The following PARP8 variants were observed in gnomAD, a reference collection of about 807,000 sequenced individuals.
The protein encoded by PARP8 is poly(ADP-ribose) polymerase family member 8, also known as protein mono-ADP-ribosyltransferase PARP8.
Under a neutral mutation model 124.1 loss-of-function variants are expected in PARP8, and 51 were observed. The observed-to-expected ratio is 0.41, with a 90% CI of 0.33 to 0.52. The LOEUF is 0.52. Ranked by LOEUF, PARP8 falls within the 20% of genes least tolerant of loss-of-function variation. The probability of loss-of-function intolerance (pLI) is 0.21; values close to 1 mark genes in which losing one functional copy is unlikely to be tolerated. For missense variants in PARP8, 860 were observed against 1,018.9 expected (o/e 0.84, Z 2.12); for synonymous variants, 391 against 361.5 (o/e 1.08, Z -0.93).
intron 3 of PARP8, among the ~76,000 whole-genome samples, chr5:50,759,404 C>G (rs1185695810): frequency 6.6e-6 from 1 of 152,140 alleles, no homozygotes; most frequent in Non-Finnish European, 1.5e-5. Context: ...TGGATAGTCT[C>G]TATTCAAAAT....
At chr5:50,666,491 C>G (rs574888064), upstream of PARP8, 3 of 151,540 alleles carry the variant, frequency 2.0e-5, no homozygotes, top group Admixed American at 6.6e-5. Flanking sequence ...GGCTCCCGCC[C>G]GGGATGGCTA....
chr5:50,741,019 C>T (rs953124918), intron 2 of PARP8, among the ~76,000 whole-genome samples: 2 of 152,070 alleles, frequency 1.3e-5, no homozygotes, highest in Non-Finnish European at 2.9e-5. Context: ...TTTAGTTTTT[C>T]CGTCTTGGTA....
At chr5:50,763,915 C>G (rs1291103791) in intron 7 of PARP8, among the ~76,000 whole-genome samples, 1 of 152,180 alleles carries the variant, frequency 6.6e-6, no homozygotes, top group Non-Finnish European at 1.5e-5. Context: ...TTCCAGACCC[C>G]TTTCGTAGCC....
Position 50,820,797 on chromosome 5 carries a change from C to A in PARP8, c.1669-416C>A, listed in dbSNP as rs150662737. 1.8e-3 allele frequency among the ~76,000 whole-genome samples: 280 copies of A among 152,262 alleles called. 1 individual carries two copies. Among genetic ancestry groups the A allele is most frequent in the African/African-American group, 6.4e-3 (267 of 41,546 alleles). The stretch of plus-strand genomic sequence containing the variant: ...CCCTTTCTGCATTATTCTCTAGTGC[C>A]TACTTTATTTTTTTATAACATTTAA... On this transcript the variant is annotated intron_variant, in intron 15 of 25. Transcript: ENST00000281631.
At chr5:50,714,084 CTTTTTTT>C (rs34294100) in intron 2 of PARP8, among the ~76,000 whole-genome samples, 3 of 137,802 alleles carry the variant, frequency 2.2e-5, no homozygotes, top group Non-Finnish European at 4.8e-5. Flanking sequence ...TTCTTTCTTT[CTTTTTTT>C]TTTTTTTTCC....
chr5:50,763,565 T>C (rs1053137378), intron 7 of PARP8, among the ~76,000 whole-genome samples: 1 of 152,060 alleles, frequency 6.6e-6, no homozygotes, highest in African/African-American at 2.4e-5. Flanking sequence ...CATGGCCACA[T>C]GCTTGTGAAG....
At chr5:50,713,496 C>A (rs1438229021) in intron 2 of PARP8, among the ~76,000 whole-genome samples, 2 of 151,638 alleles carry the variant, frequency 1.3e-5, no homozygotes, top group African/African-American at 4.9e-5. Flanking sequence ...TCCCCTGTGC[C>A]TCCCATAGTG....
At chr5:50,773,810 T>C (rs1761871566) in intron 7 of PARP8, among the ~76,000 whole-genome samples, 1 of 151,792 alleles carries the variant, frequency 6.6e-6, no homozygotes, top group Admixed American at 6.6e-5. Flanking sequence ...ATTTTTTGTG[T>C]CCTGATGAAC....
chr5:50,774,210 C>A (rs538993108), intron 7 of PARP8, among the ~76,000 whole-genome samples: 33 of 152,318 alleles, frequency 2.2e-4, no homozygotes, highest in African/African-American at 7.9e-4. Context: ...TAGTACAGAA[C>A]AAAATGGAGT....
intron 14 of PARP8, among the ~76,000 whole-genome samples, chr5:50,803,074 G>A (rs542806817): frequency 6.6e-6 from 1 of 152,222 alleles, no homozygotes; most frequent in African/African-American, 2.4e-5. Context: ...AGTTATGCTG[G>A]GTATAGAATT....
intron 21 of PARP8, 81 bp downstream of exon 21, chr5:50,828,465 A>C (rs1746587248): frequency 2.3e-6 from 3 of 1,298,140 alleles, no homozygotes; most frequent in Admixed American, 1.9e-5. Flanking sequence ...GTTAGGTTTA[A>C]CTTGCAAAAG....
At chr5:50,749,823 A>G (rs1759031278) in intron 2 of PARP8, among the ~76,000 whole-genome samples, 1 of 152,154 alleles carries the variant, frequency 6.6e-6, no homozygotes, top group Admixed American at 6.5e-5. Flanking sequence ...AAATCTGAGC[A>G]AAGAAAACAA....
chr5:50,792,804 A>C (rs1742110775), intron 10 of PARP8, among the ~76,000 whole-genome samples: 1 of 152,090 alleles, frequency 6.6e-6, no homozygotes, highest in Non-Finnish European at 1.5e-5. Context: ...TTCCACTGCT[A>C]AAAGGGCCCC....
chr5:50,672,092 C>T (rs1750094370), intron 2 of PARP8, among the ~76,000 whole-genome samples: 1 of 152,218 alleles, frequency 6.6e-6, no homozygotes. Context: ...CACCCACAAC[C>T]TGCTTTCCAT....
chr5:50,679,478 T>C (rs1247633285), intron 2 of PARP8, among the ~76,000 whole-genome samples: 3 of 152,216 alleles, frequency 2.0e-5, no homozygotes, highest in Non-Finnish European at 4.4e-5. Context: ...AATTAAATAA[T>C]TTCTCTGTGA....
chr5:50,807,362 C>G (rs909850390), intron 14 of PARP8, among the ~76,000 whole-genome samples: 18 of 152,142 alleles, frequency 1.2e-4, no homozygotes, highest in East Asian at 3.9e-4. Flanking sequence ...GCGTAACGCT[C>G]ACATTAACAT....
chr5:50,771,695 A>G (rs1182453316), intron 7 of PARP8, among the ~76,000 whole-genome samples: 1 of 152,200 alleles, frequency 6.6e-6, no homozygotes, highest in Non-Finnish European at 1.5e-5. Flanking sequence ...TTAGTGCCAG[A>G]TACTGTGCTT....
chr5:50,738,741 C>CA lies in PARP8; in HGVS notation c.147-11403dup, dbSNP rs1260086895. ...AAAAAAAAAAAAAAAAAGAAAATAGCAAAAAAACCTCATAATGTTTTAAGA... is the reference window on the plus strand; with the variant it reads ...AAAAAAAAAAAAAAAAAGAAAATAGCAAAAAAAACCTCATAATGTTTTAAGA... On this transcript the variant is annotated intron_variant, in intron 2 of 25. Coordinates refer to ENST00000281631, the MANE Select transcript of PARP8 (RefSeq NM_024615.4). 3.9e-3 allele frequency among the ~76,000 whole-genome samples: 572 copies of CA among 146,604 alleles called. 6 individuals carry two copies. Among genetic ancestry groups the CA allele is most frequent in the African/African-American group, 0.014 (545 of 40,078 alleles).
intron 2 of PARP8, among the ~76,000 whole-genome samples, chr5:50,702,977 TACAA>T (rs1381999352): frequency 6.6e-6 from 1 of 152,114 alleles, no homozygotes; most frequent in Non-Finnish European, 1.5e-5. Flanking sequence ...CAGAGAGTTG[TACAA>T]ACAAACCAGA....
Sources: gnomAD v4.1 joint callset for allele counts (sites outside exome capture counted in the v4.1 genomes callset) on GRCh38, gnomAD v4.1.1 for gene constraint, MANE v1.5 for transcripts, NCBI Gene and HGNC (gene_info 2026-07-23, HGNC 2026-07-21) for gene names.